The following IL18BP variants were observed in gnomAD, a reference collection of about 807,000 sequenced individuals.
IL18BP encodes the protein interleukin 18 binding protein.
In IL18BP, 23 loss-of-function variants were observed where a neutral mutation model predicts 19.9. That is an observed-to-expected ratio of 1.15 (90% CI 0.83 to 1.64). The LOEUF is 1.64. Ranked by LOEUF, IL18BP falls within the 40% of genes most tolerant of loss-of-function variation. The pLI is 0.00. For missense variants in IL18BP, 239 were observed against 240.7 expected (o/e 0.99, Z 0.05); for synonymous variants, 107 against 101.0 (o/e 1.06, Z -0.35).
chr11:72,001,480 C>T lies in IL18BP; in HGVS notation c.435C>T (p.Ser145=). The part of the protein sequence containing the change: ...VLEQLTPALH[S]TNFSCVLVDP... Reference sequence around the variant, plus strand: ...AGCAGCTGACCCCTGCCCTGCACAGCACCAACTTCTCCTGTGTGCTCGTGG... The same window carrying T: ...AGCAGCTGACCCCTGCCCTGCACAGTACCAACTTCTCCTGTGTGCTCGTGG... Residue 145 remains serine, a synonymous_variant, in exon 5 of 6, where the codon AGC becomes AGT. Coordinates refer to ENST00000393703, the MANE Select transcript of IL18BP (RefSeq NM_001039660.2). 6.2e-7 allele frequency: 1 copy of T among 1,614,168 alleles called. No individual in the cohort carries two copies. The highest frequency in any genetic ancestry group is 8.5e-7 in the Non-Finnish European group (1 of 1,180,016).
downstream of IL18BP, chr11:72,006,082 C>A (rs965011306): frequency 1.1e-5 from 18 of 1,613,950 alleles, no homozygotes; most frequent in Admixed American, 3.3e-5. Flanking sequence ...ACGAGCAGAA[C>A]TGCGAGTGGT....
At position 72,001,960 on chromosome 11, in the gene IL18BP, G is replaced by A; in HGVS notation, c.*99G>A. On this transcript the variant is annotated 3_prime_UTR_variant, in exon 6 of 6. Coordinates refer to ENST00000393703, the MANE Select transcript of IL18BP (RefSeq NM_001039660.2). ...GTCCCTGACTGCCTGTAGGCTGCGT[G>A]GATGCGCAACACACCCCCTCCTTCT... 3 of 1,536,476 alleles carry A rather than the reference G, an allele frequency of 2.0e-6. No individual in the cohort carries two copies. Among genetic ancestry groups the A allele is most frequent in the South Asian group, 1.2e-5 (1 of 85,142 alleles).
At chr11:71,999,847 GAAGCCAGCTACTGAGGAA>G (rs750312451) in intron 1 of IL18BP, 62 bp from the exon 2 acceptor site, 66 of 765,130 alleles carry the variant, frequency 8.6e-5, no homozygotes, top group Admixed American at 4.1e-4. Context: ...TACGGGAGGA[GAAGCCAGCTACTGAGGAA>G]AAGCCAGCTA....
At chr11:72,006,236 C>T (rs186121470), downstream of IL18BP, 55 of 1,614,140 alleles carry the variant, frequency 3.4e-5, no homozygotes, top group East Asian at 1.1e-4. Flanking sequence ...GATGAGTTGG[C>T]GCTGTCTGGC....
At position 71,998,971 on chromosome 11, in the gene IL18BP, G is replaced by C. The variant is rs1367647861; in HGVS notation, c.-107G>C. ...GCTAACTTGAGTCTTGGAGCTCCTA[G>C]AGGGAAGCTTCTGGAAAGGAAGGCT... is the stretch of plus-strand genomic sequence containing the variant. On this transcript the variant is annotated 5_prime_UTR_variant, in exon 1 of 6. Transcript: ENST00000393703. The C allele has an allele frequency of 1.4e-5, 4 of 290,426 alleles. No individual in the cohort carries two copies. The highest frequency in any genetic ancestry group is 2.2e-5 in the African/African-American group (1 of 45,884). 18.0% of individuals were successfully genotyped at this position (290,426 alleles called of 1,614,324 possible). A position where few individuals can be genotyped will look rare whatever the true frequency, so the allele number is the denominator to read the frequency against.
intron 5 of IL18BP, 41 bp from the exon 6 acceptor site, chr11:72,001,743 C>A (rs764382411): frequency 2.8e-5 from 45 of 1,613,800 alleles, no homozygotes; most frequent in Non-Finnish European, 3.4e-5. Context: ...AGATGTCCCT[C>A]CTTTCCTTGG....
chr11:72,003,677 C>A, downstream of IL18BP: 1 of 1,198,032 alleles, frequency 8.3e-7, no homozygotes, highest in Non-Finnish European at 1.2e-6. Context: ...CAGTTGCTGG[C>A]TGTGCCTGAG....
rs1219291974 is a variant in IL18BP at position 72,001,986 on chromosome 11, C to CT, written c.*126dup. On this transcript the variant is annotated 3_prime_UTR_variant, in exon 6 of 6. Transcript: ENST00000393703. Reference sequence around the variant, plus strand: ...GATGCGCAACACACCCCCTCCTTCTCTGCTTTGGGTCCCTTCTCTCACCAA... The same window carrying CT: ...GATGCGCAACACACCCCCTCCTTCTCTTGCTTTGGGTCCCTTCTCTCACCAA... 7.1e-7 allele frequency: 1 copy of CT among 1,405,736 alleles called. No homozygotes were observed. Among genetic ancestry groups the CT allele is most frequent in the Non-Finnish European group, 9.7e-7 (1 of 1,032,460 alleles). The allele number at this position is 1,405,736 out of a possible 1,614,324, so 87.1% of individuals were successfully genotyped here.
downstream of IL18BP, chr11:72,005,166 G>A: frequency 6.7e-7 from 1 of 1,486,208 alleles, no homozygotes; most frequent in Non-Finnish European, 9.0e-7. Flanking sequence ...GCTCAGGCTA[G>A]ATCAGCAGGT....
At chr11:71,999,449 C>T (rs1955097104) in intron 1 of IL18BP, 1 of 234,200 alleles carries the variant, frequency 4.3e-6, no homozygotes. Flanking sequence ...AGTCTGGTAT[C>T]CTCTGGAGAG....
intron 5 of IL18BP, 96 bp downstream of exon 5, chr11:72,001,648 T>C: frequency 5.0e-6 from 8 of 1,598,314 alleles, no homozygotes; most frequent in Non-Finnish European, 6.8e-6. Flanking sequence ...GCCTGTGAAC[T>C]AATGCCCAGC....
chr11:72,002,052 C>T lies in IL18BP; in HGVS notation c.*191C>T. On this transcript the variant is annotated 3_prime_UTR_variant, in exon 6 of 6. Coordinates refer to ENST00000393703, the MANE Select transcript of IL18BP (RefSeq NM_001039660.2). ...CCACCTACCTAGAAAATCACAGCCTCCTTATAATGCCTCCTCCTCCTGCCA... is the reference window on the plus strand; with the variant it reads ...CCACCTACCTAGAAAATCACAGCCTTCTTATAATGCCTCCTCCTCCTGCCA... 1 of 731,998 alleles carries T rather than the reference C, an allele frequency of 1.4e-6. No individual in the cohort carries two copies. Among genetic ancestry groups the T allele is most frequent in the Non-Finnish European group, 2.3e-6 (1 of 439,412 alleles). The allele number at this position is 731,998 out of a possible 1,614,324, so 45.3% of individuals were successfully genotyped here.
chr11:72,007,169 C>T (rs1451589380), downstream of IL18BP: 1 of 1,603,718 alleles, frequency 6.2e-7, no homozygotes, highest in East Asian at 2.2e-5. Context: ...GCCCTGCAGC[C>T]CCTGTCCCAG....
downstream of IL18BP, chr11:72,004,505 T>C: frequency 8.2e-7 from 1 of 1,220,776 alleles, no homozygotes; most frequent in Non-Finnish European, 1.2e-6. Flanking sequence ...TTCCCATCCA[T>C]GGGTCAGGCC....
chr11:72,001,780 C>A lies in IL18BP; in HGVS notation c.508-4C>A, dbSNP rs373635209. On this transcript the variant is annotated splice_polypyrimidine_tract_variant and splice_region_variant and intron_variant, in intron 5 of 5. Coordinates refer to ENST00000393703, the MANE Select transcript of IL18BP (RefSeq NM_001039660.2). The stretch of plus-strand genomic sequence containing the variant: ...CTGATCCTTGTCTGCCTTCACTTCC[C>A]TAGGCTGGGCTGAGGGCAACCTTGC... 1 of 1,614,112 alleles carries A rather than the reference C, an allele frequency of 6.2e-7. No individual in the cohort carries two copies. The highest frequency in any genetic ancestry group is 1.7e-5 in the Admixed American group (1 of 60,034).
intron 1 of IL18BP, chr11:71,999,536 C>A: frequency 4.7e-6 from 1 of 211,814 alleles, no homozygotes; most frequent in Non-Finnish European, 9.7e-6. Flanking sequence ...CTCAAGATTC[C>A]CTGGTTAAAA....
chr11:72,001,896 AC>A lies in IL18BP; in HGVS notation c.*37del. The A allele has an allele frequency of 6.2e-7, 1 of 1,613,626 alleles. No individual in the cohort carries two copies. Among genetic ancestry groups the A allele is most frequent in the South Asian group, 1.1e-5 (1 of 91,014 alleles). Reference sequence around the variant, plus strand: ...CAGGGCCAGCAGCAGCACAACCTTGACCAGAGCTTGGGTCCTACCTGTCTAC... The same window carrying A: ...CAGGGCCAGCAGCAGCACAACCTTGACAGAGCTTGGGTCCTACCTGTCTAC... On this transcript the variant is annotated 3_prime_UTR_variant, in exon 6 of 6. Coordinates refer to ENST00000393703, the MANE Select transcript of IL18BP (RefSeq NM_001039660.2).
At chr11:72,007,487 T>C, downstream of IL18BP, 1 of 1,597,966 alleles carries the variant, frequency 6.3e-7, no homozygotes. Flanking sequence ...GAAGGCATTT[T>C]GTCCAGCCCT....
intron 5 of IL18BP, 85 bp from the exon 6 acceptor site, chr11:72,001,692 AGGTCTTG>A (rs746759175): frequency 8.2e-5 from 133 of 1,612,148 alleles, no homozygotes; most frequent in Non-Finnish European, 9.9e-5. Flanking sequence ...AAAGGAACTT[AGGTCTTG>A]GGCAGAGGAG....
Sources: allele counts gnomAD v4.1 joint callset, GRCh38; gene constraint gnomAD v4.1.1; transcripts MANE v1.5; gene names NCBI Gene and HGNC (gene_info 2026-07-23, HGNC 2026-07-21).